CWF19L2: variants seen among roughly 807,000 people sequenced by gnomAD.
The protein encoded by CWF19L2 is CWF19 like cell cycle control factor 2, also known as CWF19-like protein 2.
In CWF19L2, 98 loss-of-function variants were observed where a neutral mutation model predicts 111.7. That is an observed-to-expected ratio of 0.88 (90% confidence interval 0.75 to 1.04). The LOEUF (loss-of-function observed/expected upper bound fraction) is 1.04. Among genes scored for constraint, CWF19L2 ranks in the 50% least tolerant of loss-of-function variants. CWF19L2 has a pLI of 0.00. For synonymous variants in CWF19L2, 351 were observed against 342.9 expected (o/e 1.02, Z -0.26); for missense variants, 1,101 against 1,051.4 (o/e 1.05, Z -0.65).
chr11:107,442,304 G>A (rs1235324070), intron 4 of CWF19L2, among the ~76,000 whole-genome samples: 1 of 152,162 alleles, frequency 6.6e-6, no homozygotes, highest in Non-Finnish European at 1.5e-5. Flanking sequence ...TGTTTTCAAA[G>A]TCTAATTGTT....
At chr11:107,396,851 C>T (rs759797994) in intron 10 of CWF19L2, among the ~76,000 whole-genome samples, 2 of 152,170 alleles carry the variant, frequency 1.3e-5, no homozygotes, top group Non-Finnish European at 2.9e-5. Context: ...CTGTGAGTCC[C>T]CCAACTGTGG....
intron 8 of CWF19L2, among the ~76,000 whole-genome samples, chr11:107,427,435 A>T (rs777205494): frequency 6.6e-6 from 1 of 152,126 alleles, no homozygotes; most frequent in Non-Finnish European, 1.5e-5. Flanking sequence ...TTATATACAT[A>T]CACAGCTTTT....
Position 107,454,495 on chromosome 11 carries a change from C to T in CWF19L2, c.294G>A (p.Lys98=). 6.8e-7 allele frequency: 1 copy of T among 1,469,754 alleles called. No homozygotes were observed. Among genetic ancestry groups the T allele is most frequent in the Non-Finnish European group, 9.0e-7 (1 of 1,115,238 alleles). 91.0% of individuals were successfully genotyped at this position (1,469,754 alleles called of 1,614,324 possible). A position where few individuals can be genotyped will look rare whatever the true frequency, so the allele number is the denominator to read the frequency against. The change falls in exon 3 of 18, where the codon AAG becomes AAA. Residue 98 remains lysine, a synonymous_variant. Coordinates refer to ENST00000282251, the MANE Select transcript of CWF19L2 (RefSeq NM_152434.3). ...CATTGTTTTTTTCATATTTCTGTTT[C>T]TTGCTCTTTTTTTTCTTTTCTTTCT... ...KAKKEKKKKS[K]KQKYEKNNES...
intron 14 of CWF19L2, among the ~76,000 whole-genome samples, chr11:107,337,948 T>C (rs1380109707): frequency 6.6e-6 from 1 of 152,172 alleles, no homozygotes; most frequent in African/African-American, 2.4e-5. Flanking sequence ...GGTAACATCT[T>C]ATAAAACTAT....
At chr11:107,402,896 TATATATAATGGA>T (rs1861026821) in intron 10 of CWF19L2, among the ~76,000 whole-genome samples, 1 of 106,088 alleles carries the variant, frequency 9.4e-6, no homozygotes. Flanking sequence ...TATATATATA[TATATATAATGGA>T]ATACTATGCA....
chr11:107,434,073 T>C (rs1861506800), intron 6 of CWF19L2, among the ~76,000 whole-genome samples: 1 of 151,310 alleles, frequency 6.6e-6, no homozygotes, highest in Non-Finnish European at 1.5e-5. Flanking sequence ...TAAAAAGATA[T>C]AATGGACTCT....
At chr11:107,453,949 G>C (rs1861816515) in intron 3 of CWF19L2, among the ~76,000 whole-genome samples, 1 of 151,932 alleles carries the variant, frequency 6.6e-6, no homozygotes. Context: ...AGAGTGGGAA[G>C]GACTGCCATT....
At chr11:107,447,470 G>C (rs1478820223) in intron 3 of CWF19L2, among the ~76,000 whole-genome samples, 1 of 152,212 alleles carries the variant, frequency 6.6e-6, no homozygotes, top group African/African-American at 2.4e-5. Context: ...AGCTCACAAA[G>C]GGCTGGAAGA....
Position 107,336,702 on chromosome 11 carries a change from T to C in CWF19L2, c.2214A>G (p.Lys738=). 1 of 1,467,460 alleles carries C rather than the reference T, an allele frequency of 6.8e-7. No individual in the cohort carries two copies. Among genetic ancestry groups the C allele is most frequent in the Non-Finnish European group, 9.1e-7 (1 of 1,098,356 alleles). 90.9% of individuals were successfully genotyped at this position (1,467,460 alleles called of 1,614,324 possible). ...TATCTTCAAACATCTTTACCAATGA[T>C]TTTCTGAACATCTAAAAAAAAAAAA... ...DIWEEIQMFR[K]SLVKMFEDKG... The change falls in exon 15 of 18, where the codon AAA becomes AAG. Residue 738 remains lysine, a synonymous_variant. Transcript: ENST00000282251.
intron 12 of CWF19L2, among the ~76,000 whole-genome samples, chr11:107,381,043 CA>C (rs758847271): frequency 4.0e-5 from 6 of 151,820 alleles, no homozygotes; most frequent in Non-Finnish European, 2.9e-5. Context: ...AAGAGGTGAC[CA>C]GGGGGCTGGG....
At chr11:107,361,593 C>T (rs1860338252) in intron 12 of CWF19L2, among the ~76,000 whole-genome samples, 1 of 152,126 alleles carries the variant, frequency 6.6e-6, no homozygotes. Flanking sequence ...GATATTAAGT[C>T]TTCTGGTCCA....
chr11:107,331,811 G>T (rs186237708), intron 16 of CWF19L2, among the ~76,000 whole-genome samples: 5 of 152,216 alleles, frequency 3.3e-5, no homozygotes, highest in Non-Finnish European at 5.9e-5. Context: ...AAAGGCAACT[G>T]CTGTCACAAG....
intron 12 of CWF19L2, among the ~76,000 whole-genome samples, chr11:107,365,530 C>G (rs2134564640): frequency 1.1e-5 from 1 of 92,644 alleles, no homozygotes; most frequent in South Asian, 3.4e-4. Flanking sequence ...ATACGCAAAT[C>G]AATAAATGTA....
intron 10 of CWF19L2, among the ~76,000 whole-genome samples, chr11:107,401,984 G>C (rs1861006683): frequency 6.6e-6 from 1 of 152,152 alleles, no homozygotes; most frequent in Admixed American, 6.5e-5. Context: ...AGTGGGGAAA[G>C]GACGCCCTTT....
chr11:107,326,872 C>A lies in CWF19L2; in HGVS notation c.*38G>T. ...TAGATGCAATGGAAATAAAACTGAA[C>A]GGGATCTGAAGAAAAATTTTAAAAT... On this transcript the variant is annotated 3_prime_UTR_variant, in exon 18 of 18. Transcript: ENST00000282251. 1 of 1,530,932 alleles carries A rather than the reference C, an allele frequency of 6.5e-7. No individual in the cohort carries two copies. Among genetic ancestry groups the A allele is most frequent in the Non-Finnish European group, 8.8e-7 (1 of 1,137,546 alleles). The allele number at this position is 1,530,932 out of a possible 1,614,324, so 94.8% of individuals were successfully genotyped here.
chr11:107,327,228 C>T (rs893708355), intron 17 of CWF19L2, among the ~76,000 whole-genome samples, 175 bp from the exon 18 acceptor site: 1 of 152,098 alleles, frequency 6.6e-6, no homozygotes, highest in Non-Finnish European at 1.5e-5. Flanking sequence ...TCTAACTAGG[C>T]AAACCGTGTG....
chr11:107,352,880 C>T (rs1860177095), intron 13 of CWF19L2, among the ~76,000 whole-genome samples: 1 of 152,064 alleles, frequency 6.6e-6, no homozygotes, highest in African/African-American at 2.4e-5. Context: ...ATTCATTCAA[C>T]TTCTTCTACT....
At chr11:107,340,022 C>A (rs1385922023) in intron 14 of CWF19L2, among the ~76,000 whole-genome samples, 1 of 152,050 alleles carries the variant, frequency 6.6e-6, no homozygotes, top group Non-Finnish European at 1.5e-5. Flanking sequence ...TAAAAATATT[C>A]TTTATATATT....
Position 107,441,614 on chromosome 11 carries a change from C to G in CWF19L2, c.459G>C (p.Glu153Asp). Reference sequence around the variant, plus strand: ...CAGACATAAAATCAACAGTCATCCACTCATCCCTCTGTTAAAAAAAAAGAC... The same window carrying G: ...CAGACATAAAATCAACAGTCATCCAGTCATCCCTCTGTTAAAAAAAAAGAC... ...KDDTQIIKRDEWMTVDFMSVK... is the reference protein window; with the variant it reads ...KDDTQIIKRDDWMTVDFMSVK... The change falls in exon 5 of 18, where the codon GAG (glutamate) becomes GAC (aspartate). Residue 153 changes from glutamate to aspartate, a missense_variant. Physicochemically the swap from Glu to Asp is conservative, Grantham distance 45. Transcript: ENST00000282251. 2.0e-6 allele frequency: 3 copies of G among 1,527,216 alleles called. No individual in the cohort carries two copies. The allele number at this position is 1,527,216 out of a possible 1,614,324, so 94.6% of individuals were successfully genotyped here.
Sources: gnomAD v4.1 joint callset for allele counts (sites outside exome capture counted in the v4.1 genomes callset) on GRCh38, gnomAD v4.1.1 for gene constraint, MANE v1.5 for transcripts, NCBI Gene and HGNC (gene_info 2026-07-23, HGNC 2026-07-21) for gene names.